Variants in PTPRN2 observed in about 807,000 individuals in gnomAD.
PTPRN2 encodes the protein receptor-type tyrosine-protein phosphatase N2.
In PTPRN2, 74 loss-of-function variants were observed where a neutral mutation model predicts 118.8. The ratio of observed to expected loss-of-function variants is 0.62; its 90% CI spans 0.52 to 0.76. PTPRN2 has a LOEUF of 0.76. Ranked by LOEUF, PTPRN2 falls within the 30% of genes least tolerant of loss-of-function variation. PTPRN2 has a pLI of 0.00. For missense variants in PTPRN2, 1,481 were observed against 1,394.4 expected (o/e 1.06, Z -0.99); for synonymous variants, 641 against 608.0 (o/e 1.05, Z -0.80).
At chr7:157,648,456 G>A (rs1463994486) in intron 14 of PTPRN2, among the ~76,000 whole-genome samples, 13 of 106,058 alleles carry the variant, frequency 1.2e-4, no homozygotes, top group Non-Finnish European at 1.5e-4. Flanking sequence ...CACTGAACTC[G>A]GTGGGTCGGA....
chr7:158,422,657 C>T, intron 2 of PTPRN2, among the ~76,000 whole-genome samples: 1 of 146,646 alleles, frequency 6.8e-6, no homozygotes, highest in Non-Finnish European at 1.5e-5. Flanking sequence ...CGGACGTGGT[C>T]TCAGTCACAC....
intron 12 of PTPRN2, among the ~76,000 whole-genome samples, chr7:157,747,926 C>G (rs1426426311): frequency 7.8e-5 from 9 of 115,414 alleles, no homozygotes; most frequent in African/African-American, 1.7e-4. Context: ...GTGGGGTGTC[C>G]GGGCGATTGT....
rs146443697 is a variant in PTPRN2, at chr7:158,146,676, G to A, written c.911-8161C>T. 3.6e-3 allele frequency among the ~76,000 whole-genome samples: 527 copies of A among 146,782 alleles called. 13 individuals carry two copies. Among genetic ancestry groups the A allele is most frequent in the African/African-American group, 0.013 (492 of 38,918 alleles). On this transcript the variant is annotated intron_variant, in intron 6 of 22. Coordinates refer to ENST00000389418, the MANE Select transcript of PTPRN2 (RefSeq NM_002847.5). The stretch of plus-strand genomic sequence containing the variant: ...GCGGAGCTAGTAGTGAGCTGAGATC[G>A]CGCCACTGCACTCCAGCCTGGGCGA...
chr7:157,794,397 C>G lies in PTPRN2; in HGVS notation c.1788+104276G>C, dbSNP rs1203258097. 6.6e-6 allele frequency among the ~76,000 whole-genome samples: 1 copy of G among 152,202 alleles called. No individual in the cohort carries two copies. Among genetic ancestry groups the G allele is most frequent in the African/African-American group, 2.4e-5 (1 of 41,444 alleles). On this transcript the variant is annotated intron_variant, in intron 12 of 22. Coordinates refer to ENST00000389418, the MANE Select transcript of PTPRN2 (RefSeq NM_002847.5). This position sits in a 1 kb window ranked among gnomAD's most constrained non-coding sequence, Gnocchi z 5.2. ...CCGGCCTACGGGCACTCGGGCAGTG[C>G]GGTGACCAATTATAGCGTCGACGAT...
Position 158,334,000 on chromosome 7 carries a change from A to G in PTPRN2, c.164-17068T>C, listed in dbSNP as rs188669422. On this transcript the variant is annotated intron_variant, in intron 2 of 22. Transcript: ENST00000389418. Reference sequence around the variant, plus strand: ...ACCATAAGAGCCGACACCCGCAGACATCACTCACACACACACGCGTCACTC... The same window carrying G: ...ACCATAAGAGCCGACACCCGCAGACGTCACTCACACACACACGCGTCACTC... 7.5e-3 allele frequency among the ~76,000 whole-genome samples: 79 copies of G among 10,598 alleles called. 22 individuals are homozygous for G. Among genetic ancestry groups the G allele is most frequent in the Non-Finnish European group, 0.013 (47 of 3,752 alleles). 7.0% of individuals were successfully genotyped at this position (10,598 alleles called of 152,430 possible).
At chr7:157,982,479 TGAG>T (rs1321167396) in intron 11 of PTPRN2, among the ~76,000 whole-genome samples, 4 of 78,124 alleles carry the variant, frequency 5.1e-5, no homozygotes, top group African/African-American at 1.5e-4. Context: ...GTCATAGAGA[TGAG>T]GAGGGGAATG....
chr7:158,419,201 T>A (rs1255500902), intron 2 of PTPRN2, among the ~76,000 whole-genome samples: 1 of 152,228 alleles, frequency 6.6e-6, no homozygotes, highest in East Asian at 1.9e-4. Context: ...AAGACATGTG[T>A]CCTTGGCAGT....
At chr7:157,945,763 C>T (rs1327903022) in intron 11 of PTPRN2, among the ~76,000 whole-genome samples, 1 of 114,410 alleles carries the variant, frequency 8.7e-6, no homozygotes, top group Non-Finnish European at 2.1e-5. Context: ...TGGACAATGC[C>T]GCCTCCAGCT....
intron 11 of PTPRN2, among the ~76,000 whole-genome samples, chr7:157,991,033 C>T (rs1804217858): frequency 6.6e-6 from 1 of 152,224 alleles, no homozygotes; most frequent in Non-Finnish European, 1.5e-5. Flanking sequence ...GAGGGCACTG[C>T]TCATCTCCAC....
At chr7:158,061,400 A>T (rs1267566389) in intron 11 of PTPRN2, among the ~76,000 whole-genome samples, 1 of 152,176 alleles carries the variant, frequency 6.6e-6, no homozygotes, top group African/African-American at 2.4e-5. Flanking sequence ...GTTCCGAGGG[A>T]ATCTCTCCCA....
intron 2 of PTPRN2, among the ~76,000 whole-genome samples, chr7:158,470,643 C>T (rs113389430): frequency 4.6e-4 from 70 of 152,214 alleles, no homozygotes; most frequent in African/African-American, 1.6e-3. Context: ...GTACCCTTTC[C>T]GCCTTCTCTC....
At chr7:157,599,959 C>A (rs1801573421) in intron 16 of PTPRN2, among the ~76,000 whole-genome samples, 3 of 110,186 alleles carry the variant, frequency 2.7e-5, no homozygotes, top group Admixed American at 1.7e-4. Flanking sequence ...GCCCACATCT[C>A]CACCTGCCTA....
intron 2 of PTPRN2, among the ~76,000 whole-genome samples, chr7:158,440,489 G>C (rs1339948270): frequency 2.0e-5 from 3 of 151,610 alleles, no homozygotes; most frequent in African/African-American, 7.3e-5. Context: ...GATGATGGTG[G>C]TGATGGTAGT....
chr7:158,470,544 C>A lies in PTPRN2; in HGVS notation c.163+19191G>T, dbSNP rs567560363. On this transcript the variant is annotated intron_variant, in intron 2 of 22. Coordinates refer to ENST00000389418, the MANE Select transcript of PTPRN2 (RefSeq NM_002847.5). ...TGTCCCTCGACGGAGCACGACTCAG[C>A]GACAACAGGAGCAAAGGGTGGGGGT... Among the ~76,000 whole-genome samples the A allele has an allele frequency of 2.0e-5, 3 of 152,318 alleles. No homozygotes were observed. The East Asian group carries it at 5.8e-4, about 29-fold the overall frequency.
intron 19 of PTPRN2, among the ~76,000 whole-genome samples, chr7:157,574,179 C>G (rs59561204): frequency 0.011 from 1,605 of 152,226 alleles, 25 homozygotes; most frequent in African/African-American, 0.037. Context: ...TAGAAACTTC[C>G]ACAACAGGAA....
chr7:157,965,060 T>C (rs911449577), intron 11 of PTPRN2, among the ~76,000 whole-genome samples: 5 of 152,094 alleles, frequency 3.3e-5, no homozygotes, highest in Admixed American at 1.3e-4. Flanking sequence ...TTTCATTCAA[T>C]AGGAAATTCC....
chr7:157,692,729 C>T (rs1372780753), intron 12 of PTPRN2, among the ~76,000 whole-genome samples: 3 of 152,078 alleles, frequency 2.0e-5, no homozygotes, highest in Non-Finnish European at 2.9e-5. Flanking sequence ...GAAACTGCGG[C>T]GTCACTGGCG....
At chr7:157,542,152 G>C (rs2116940300) in intron 22 of PTPRN2, among the ~76,000 whole-genome samples, 1 of 152,298 alleles carries the variant, frequency 6.6e-6, no homozygotes, top group African/African-American at 2.4e-5. Context: ...AGGTCGGGCT[G>C]TGCCGGGAAG....
intron 2 of PTPRN2, among the ~76,000 whole-genome samples, chr7:158,462,026 T>G (rs1411443997): frequency 6.6e-6 from 1 of 152,284 alleles, no homozygotes; most frequent in African/African-American, 2.4e-5. Flanking sequence ...CCTGGGTGCT[T>G]CGGTTCGTAC....
Sources: allele counts gnomAD v4.1 joint callset (sites outside exome capture counted in the v4.1 genomes callset), GRCh38; gene constraint gnomAD v4.1.1; non-coding constraint Gnocchi (gnomAD v3.1); transcripts MANE v1.5; gene names NCBI Gene and HGNC (gene_info 2026-07-23, HGNC 2026-07-21).